Variants in ST6GAL2 observed in about 807,000 individuals in gnomAD.
The protein encoded by ST6GAL2 is beta-galactoside alpha-2,6-sialyltransferase 2.
In ST6GAL2, 24 loss-of-function variants were observed where a neutral mutation model predicts 37.5. The observed-to-expected ratio is 0.64, with a 90% CI of 0.46 to 0.90. ST6GAL2 has a LOEUF of 0.90. Ranked by LOEUF, ST6GAL2 falls within the 40% of genes least tolerant of loss-of-function variation. The pLI, the probability that ST6GAL2 is intolerant of heterozygous loss-of-function variation, is 0.00. For synonymous variants in ST6GAL2, 306 were observed against 295.1 expected (o/e 1.04, Z -0.38); for missense variants, 715 against 712.7 (o/e 1.00, Z -0.04).
intron 1 of ST6GAL2, among the ~76,000 whole-genome samples, chr2:106,884,934 T>TATATATATATATATATATATATACAC (rs1425070594): frequency 1.7e-5 from 2 of 120,466 alleles, no homozygotes; most frequent in Non-Finnish European, 1.6e-5. Context: ...TATATATATA[T>TATATATATATATATATATATATACAC]ACATACACAC....
intron 5 of ST6GAL2, among the ~76,000 whole-genome samples, chr2:106,825,816 G>A (rs1220075644): frequency 2.6e-5 from 4 of 152,170 alleles, no homozygotes; most frequent in East Asian, 1.9e-4. Flanking sequence ...TTCACCACCA[G>A]GTTTCTGGGG....
chr2:106,866,623 G>C (rs967786243), intron 1 of ST6GAL2, among the ~76,000 whole-genome samples: 2 of 152,144 alleles, frequency 1.3e-5, no homozygotes, highest in African/African-American at 4.8e-5. Flanking sequence ...ACAAAAGTAA[G>C]GCAATTGTAC....
chr2:106,809,235 C>G (rs897197888), intron 5 of ST6GAL2, among the ~76,000 whole-genome samples: 1 of 152,230 alleles, frequency 6.6e-6, no homozygotes, highest in Non-Finnish European at 1.5e-5. Flanking sequence ...CACAAGGAAT[C>G]ACGCTGAAGG....
intron 5 of ST6GAL2, among the ~76,000 whole-genome samples, chr2:106,809,708 C>T (rs147727810): frequency 1.2e-4 from 18 of 152,286 alleles, no homozygotes; most frequent in East Asian, 1.9e-4. Flanking sequence ...TTTTAACAAG[C>T]GTTCCCTTTA....
At chr2:106,814,880 C>T (rs1006420619) in intron 5 of ST6GAL2, among the ~76,000 whole-genome samples, 17 of 152,186 alleles carry the variant, frequency 1.1e-4, no homozygotes, top group African/African-American at 4.1e-4. Flanking sequence ...TCTCTAGTAT[C>T]TGACTAGGGA....
chr2:106,829,955 G>A (rs1011233583), intron 5 of ST6GAL2, 111 bp downstream of exon 5: 3 of 997,158 alleles, frequency 3.0e-6, no homozygotes, highest in Non-Finnish European at 4.5e-6. Context: ...CTGGTTCCAG[G>A]CATTTCAGAT....
At chr2:106,850,435 A>G (rs1375005) in intron 1 of ST6GAL2, among the ~76,000 whole-genome samples, 132,072 of 152,194 alleles carry the variant, frequency 0.87, 57,431 homozygotes, top group East Asian at 0.98. Context: ...CTAATGCACA[A>G]GAATAATAGG....
intron 1 of ST6GAL2, among the ~76,000 whole-genome samples, chr2:106,861,026 T>G (rs537010509): frequency 5.9e-5 from 9 of 152,324 alleles, no homozygotes; most frequent in Non-Finnish European, 1.2e-4. Flanking sequence ...GCCGGAAACC[T>G]GAATCTGCTC....
rs1677006391 is a variant in ST6GAL2 at position 106,843,507 on chromosome 2, G to A, written c.471C>T (p.Gly157=). 6 of 1,614,068 alleles carry A rather than the reference G, an allele frequency of 3.7e-6. No homozygotes were observed. The highest frequency in any genetic ancestry group is 1.1e-5 in the South Asian group (1 of 91,088). The change falls in exon 2 of 6, where the codon GGC becomes GGT. Residue 157 remains glycine (G), a synonymous_variant. Coordinates refer to ENST00000409382, the MANE Select transcript of ST6GAL2 (RefSeq NM_001142351.2). The stretch of plus-strand genomic sequence containing the variant: ...CAGCCGGAAAAGCCCCCTCCCGTGG[G>A]CCTGGCTCCCCGGGGGAAGGGAATC... ...TLGFPSPGEP[G]PREGAFPAAQ...
chr2:106,858,401 A>T (rs1677666343), intron 1 of ST6GAL2, among the ~76,000 whole-genome samples: 1 of 152,056 alleles, frequency 6.6e-6, no homozygotes, highest in South Asian at 2.1e-4. Flanking sequence ...TTACCCTACA[A>T]CCTTCCTCCA....
intron 1 of ST6GAL2, among the ~76,000 whole-genome samples, chr2:106,856,629 T>C (rs1472973990): frequency 6.6e-6 from 1 of 152,234 alleles, no homozygotes; most frequent in African/African-American, 2.4e-5. Flanking sequence ...TGAGGAGCTA[T>C]GATCAAGCCC....
chr2:106,857,302 A>G (rs1677612927), intron 1 of ST6GAL2, among the ~76,000 whole-genome samples: 1 of 152,120 alleles, frequency 6.6e-6, no homozygotes, highest in African/African-American at 2.4e-5. Flanking sequence ...ATTAATTTTT[A>G]TATTAGAACA....
rs537294793 is a variant in ST6GAL2, at chr2:106,842,376, C to T, written c.943+659G>A. Among the ~76,000 whole-genome samples, 4 of 152,340 alleles carry T rather than the reference C, an allele frequency of 2.6e-5. No individual in the cohort carries two copies. The South Asian group carries it at 8.3e-4, about 32-fold the overall frequency. On this transcript the variant is annotated intron_variant, in intron 2 of 5. Coordinates refer to ENST00000409382, the MANE Select transcript of ST6GAL2 (RefSeq NM_001142351.2). The stretch of plus-strand genomic sequence containing the variant: ...CCAGGTGTTGCATGTTATTTACCAT[C>T]TTGGAGAAGGTCCCTGGTAGGTGCA...
intron 1 of ST6GAL2, among the ~76,000 whole-genome samples, chr2:106,847,846 C>T (rs947472931): frequency 1.3e-5 from 2 of 152,090 alleles, no homozygotes; most frequent in African/African-American, 2.4e-5. Context: ...CCTCCCAACA[C>T]ATCAGTGTGT....
At chr2:106,881,231 C>T (rs985538721) in intron 1 of ST6GAL2, among the ~76,000 whole-genome samples, 12 of 152,280 alleles carry the variant, frequency 7.9e-5, no homozygotes, top group Admixed American at 2.0e-4. Flanking sequence ...CTCAAGCAAT[C>T]GCCTGCATCA....
At chr2:106,811,345 T>C (rs1675602675) in intron 5 of ST6GAL2, among the ~76,000 whole-genome samples, 1 of 152,128 alleles carries the variant, frequency 6.6e-6, no homozygotes, top group Non-Finnish European at 1.5e-5. Flanking sequence ...TACATAACAA[T>C]AGCTCTTACA....
intron 5 of ST6GAL2, among the ~76,000 whole-genome samples, chr2:106,810,919 CT>C (rs202131857): frequency 0.013 from 1,985 of 152,088 alleles, 46 homozygotes; most frequent in African/African-American, 0.045. Flanking sequence ...CCACTGCACT[CT>C]CATGCTCACT....
chr2:106,839,847 A>G (rs1676803401), intron 2 of ST6GAL2, among the ~76,000 whole-genome samples: 1 of 152,262 alleles, frequency 6.6e-6, no homozygotes, highest in Non-Finnish European at 1.5e-5. Flanking sequence ...AAAACAGATC[A>G]TCTTATAACT....
intron 1 of ST6GAL2, among the ~76,000 whole-genome samples, chr2:106,874,510 G>C (rs1044592598): frequency 1.8e-4 from 27 of 152,146 alleles, no homozygotes; most frequent in African/African-American, 6.5e-4. Context: ...AAGGAGAAGA[G>C]AATGCAGCAC....
Sources: allele counts gnomAD v4.1 joint callset (sites outside exome capture counted in the v4.1 genomes callset), GRCh38; gene constraint gnomAD v4.1.1; transcripts MANE v1.5; gene names NCBI Gene and HGNC (gene_info 2026-07-23, HGNC 2026-07-21).